Variants in TERB1 observed in about 807,000 individuals in gnomAD.
The protein encoded by TERB1 is telomere repeat binding bouquet formation protein 1.
In TERB1, 63 loss-of-function variants were observed where a neutral mutation model predicts 92.3. The ratio of observed to expected loss-of-function variants is 0.68; its 90% CI spans 0.56 to 0.84. The LOEUF (loss-of-function observed/expected upper bound fraction) is 0.84, where lower values mean the gene tolerates loss of function less well. Among genes scored for constraint, TERB1 ranks in the 40% least tolerant of loss-of-function variants. The pLI, the probability that TERB1 is intolerant of heterozygous loss-of-function variation, is 0.00. For missense variants in TERB1, 709 were observed against 843.7 expected (o/e 0.84, Z 1.98); for synonymous variants, 252 against 283.9 (o/e 0.89, Z 1.13).
rs2018425734 is a variant in TERB1 at position 66,770,303 on chromosome 16, T to C, written c.1279A>G (p.Ile427Val). Reference protein sequence around the residue: ...QLEREGNEEEIQRENYQDNIS... With the variant: ...QLEREGNEEEVQRENYQDNIS... Reference sequence around the variant, plus strand: ...TTATCCTGATAGTTTTCTCTTTGTATTTCTTCCTATAGTGTAAAAATGACA... The same window carrying C: ...TTATCCTGATAGTTTTCTCTTTGTACTTCTTCCTATAGTGTAAAAATGACA... The change falls in exon 14 of 19, where the codon ATA (isoleucine) becomes GTA (valine). Residue 427 changes from isoleucine to valine, a missense_variant. Ile to Val is a conservative substitution (Grantham distance 29). Transcript: ENST00000433154. The C allele has an allele frequency of 6.5e-7, 1 of 1,527,802 alleles. No individual in the cohort carries two copies. Among genetic ancestry groups the C allele is most frequent in the African/African-American group, 1.4e-5 (1 of 72,340 alleles). 94.6% of individuals were successfully genotyped at this position (1,527,802 alleles called of 1,614,324 possible).
intron 16 of TERB1, among the ~76,000 whole-genome samples, chr16:66,760,885 G>A (rs1247374361): frequency 1.4e-5 from 2 of 145,144 alleles, no homozygotes; most frequent in Non-Finnish European, 3.0e-5. Context: ...AGGCTGAGGC[G>A]GGCTGATCAC....
At chr16:66,772,317 T>C (rs576591904) in intron 13 of TERB1, among the ~76,000 whole-genome samples, 1 of 152,162 alleles carries the variant, frequency 6.6e-6, no homozygotes, top group Non-Finnish European at 1.5e-5. Context: ...CTGTCTCTAC[T>C]AAAAATACAA....
At chr16:66,783,634 G>C (rs1743871553) in intron 9 of TERB1, among the ~76,000 whole-genome samples, 1 of 152,174 alleles carries the variant, frequency 6.6e-6, no homozygotes, top group South Asian at 2.1e-4. Flanking sequence ...GAAGTTATTT[G>C]TTTGTTTCCT....
intron 3 of TERB1, among the ~76,000 whole-genome samples, chr16:66,794,393 C>A (rs748989849): frequency 6.6e-6 from 1 of 152,166 alleles, no homozygotes; most frequent in Non-Finnish European, 1.5e-5. Context: ...AGCCACCAAG[C>A]CTGGTCTGCA....
At chr16:66,762,015 T>TG (rs1395349841) in intron 16 of TERB1, among the ~76,000 whole-genome samples, 3 of 152,212 alleles carry the variant, frequency 2.0e-5, no homozygotes, top group Non-Finnish European at 4.4e-5. Context: ...ATCACACCGC[T>TG]GCACGCCAGC....
chr16:66,767,787 G>A (rs528607960), intron 15 of TERB1, among the ~76,000 whole-genome samples: 10 of 152,010 alleles, frequency 6.6e-5, no homozygotes, highest in Non-Finnish European at 8.8e-5. Flanking sequence ...GAGTGCAGTG[G>A]CATGATCTCG....
chr16:66,762,301 A>G (rs1031476872), intron 16 of TERB1, among the ~76,000 whole-genome samples: 2 of 152,238 alleles, frequency 1.3e-5, no homozygotes, highest in Non-Finnish European at 2.9e-5. Context: ...GCACTGGATT[A>G]TGACACCTGG....
chr16:66,783,797 T>C (rs1403340733), intron 9 of TERB1, among the ~76,000 whole-genome samples: 2 of 152,186 alleles, frequency 1.3e-5, no homozygotes, highest in Non-Finnish European at 2.9e-5. Context: ...TCAGGTATGA[T>C]AATAGCACAC....
intron 18 of TERB1, among the ~76,000 whole-genome samples, chr16:66,755,700 G>T (rs1036559857): frequency 6.6e-6 from 1 of 152,030 alleles, no homozygotes; most frequent in African/African-American, 2.4e-5. Flanking sequence ...GCTTAAACTC[G>T]GGAGGCAGAG....
In TERB1 at chr16:66,772,650, T is replaced by C. The variant is rs2018471138; in HGVS notation, c.1211A>G (p.His404Arg). Residue 404 changes from histidine to arginine, a missense_variant, in exon 13 of 19, where the codon CAC (histidine) becomes CGC (arginine). His to Arg is a conservative substitution (Grantham distance 29). Transcript: ENST00000433154. ...ISVKENNLEE[H>R]WRKAKEILHR... ...TAGAATTTCCTTTGCTTTCCTCCAG[T>C]GCTCTTCAAGATTATTCTCCTTCAC... 4 of 1,551,504 alleles carry C rather than the reference T, an allele frequency of 2.6e-6. No individual in the cohort carries two copies. Among genetic ancestry groups the C allele is most frequent in the Admixed American group, 3.9e-5 (2 of 50,972 alleles).
At chr16:66,779,102 T>C (rs937378673) in intron 9 of TERB1, 87 bp from the exon 10 acceptor site, 48 of 1,022,740 alleles carry the variant, frequency 4.7e-5, no homozygotes, top group Admixed American at 1.8e-4. Flanking sequence ...AAATATAACA[T>C]TGACCTTTTC....
At chr16:66,798,994 A>G (rs1003262908) in intron 2 of TERB1, among the ~76,000 whole-genome samples, 1 of 152,182 alleles carries the variant, frequency 6.6e-6, no homozygotes, top group Non-Finnish European at 1.5e-5. Context: ...TAGGGCCTAC[A>G]CTCTTATCCT....
chr16:66,754,914 A>C lies in TERB1; in HGVS notation c.*62T>G. The C allele has an allele frequency of 7.2e-7, 1 of 1,384,228 alleles. No homozygotes were observed. Among genetic ancestry groups the C allele is most frequent in the Non-Finnish European group, 9.8e-7 (1 of 1,019,040 alleles). 85.7% of individuals were successfully genotyped at this position (1,384,228 alleles called of 1,614,324 possible). A position where few individuals can be genotyped will look rare whatever the true frequency, so the allele number is the denominator to read the frequency against. On this transcript the variant is annotated 3_prime_UTR_variant, in exon 19 of 19. Transcript: ENST00000433154. Reference sequence around the variant, plus strand: ...ATGAGAGTTTAGAAAAATACTTTAAATGTATCTTTCAAGGCACTGTATTTT... The same window carrying C: ...ATGAGAGTTTAGAAAAATACTTTAACTGTATCTTTCAAGGCACTGTATTTT...
At chr16:66,792,350 CT>C (rs1234457369) in intron 3 of TERB1, among the ~76,000 whole-genome samples, 1 of 152,174 alleles carries the variant, frequency 6.6e-6, no homozygotes, top group Non-Finnish European at 1.5e-5. Flanking sequence ...AATATCTTCT[CT>C]CTAAAACCAG....
chr16:66,772,339 G>A (rs1341100674), intron 13 of TERB1, among the ~76,000 whole-genome samples: 3 of 152,052 alleles, frequency 2.0e-5, no homozygotes, highest in African/African-American at 4.8e-5. Flanking sequence ...GAAATTAGCC[G>A]GGTGTGGTGG....
At chr16:66,793,117 A>C (rs1376872686) in intron 3 of TERB1, among the ~76,000 whole-genome samples, 1 of 151,650 alleles carries the variant, frequency 6.6e-6, no homozygotes, top group African/African-American at 2.4e-5. Flanking sequence ...TATAGGATGA[A>C]GGGTGGATAT....
Position 66,754,959 on chromosome 16 carries a change from T to TGACAG in TERB1, c.*12_*16dup. The TGACAG allele has an allele frequency of 6.5e-7, 1 of 1,535,226 alleles. No homozygotes were observed. On this transcript the variant is annotated 3_prime_UTR_variant, in exon 19 of 19. Coordinates refer to ENST00000433154, the MANE Select transcript of TERB1 (RefSeq NM_001136505.2). ...TATTTTAAGAATCCAAACTAAAAAC[T>TGACAG]GACAGTCTTCTTTCAATCAAGAAGC...
chr16:66,760,444 G>A (rs1257453855), intron 16 of TERB1, among the ~76,000 whole-genome samples: 1 of 114,394 alleles, frequency 8.7e-6, no homozygotes, highest in Admixed American at 1.0e-4. Context: ...GTGACAGAGC[G>A]AGACTCCATC....
rs191836415 is a variant in TERB1, at chr16:66,765,022, G to A, written c.1780+2393C>T. Among the ~76,000 whole-genome samples, 27 of 152,320 alleles carry A rather than the reference G, an allele frequency of 1.8e-4. No individual in the cohort carries two copies. In the East Asian group the frequency reaches 3.3e-3, roughly 18 times the overall value. On this transcript the variant is annotated intron_variant, in intron 16 of 18. Transcript: ENST00000433154. ...AAAGTAAATGTAGTGAAAGAACTGC[G>A]TAGGTGCTATAGACTAGGTCTTGAG... is the stretch of plus-strand genomic sequence containing the variant.
Sources: allele counts gnomAD v4.1 joint callset (sites outside exome capture counted in the v4.1 genomes callset), GRCh38; gene constraint gnomAD v4.1.1; transcripts MANE v1.5; gene names NCBI Gene and HGNC (gene_info 2026-07-23, HGNC 2026-07-21).